Variants in TTLL4 observed in about 807,000 individuals in gnomAD.
TTLL4 encodes the protein tubulin monoglutamylase TTLL4.
TTLL4 carries 85 observed loss-of-function variants against 122.7 expected under a neutral mutation model. That is an observed-to-expected ratio of 0.69 (90% confidence interval 0.58 to 0.83). The LOEUF (loss-of-function observed/expected upper bound fraction) is 0.83, where lower values mean the gene tolerates loss of function less well. Among genes scored for constraint, TTLL4 ranks in the 40% least tolerant of loss-of-function variants. TTLL4 has a pLI of 0.00. For synonymous variants in TTLL4, 553 were observed against 563.0 expected (o/e 0.98, Z 0.25); for missense variants, 1,363 against 1,488.6 (o/e 0.92, Z 1.39).
intron 2 of TTLL4, among the ~76,000 whole-genome samples, chr2:218,731,475 A>G (rs1273741622): frequency 6.6e-6 from 1 of 152,020 alleles, no homozygotes; most frequent in Non-Finnish European, 1.5e-5. Flanking sequence ...ACAAAAGAAC[A>G]TTGCTTGTCC....
At chr2:218,745,599 G>A (rs2272189) in intron 6 of TTLL4, 92 bp from the exon 7 acceptor site, 408,606 of 880,608 alleles carry the variant, frequency 0.46, 99,836 homozygotes, top group African/African-American at 0.74. Context: ...GCCCAGGGAA[G>A]AATGGGCAGC....
At chr2:218,731,058 G>C (rs1178231068) in intron 2 of TTLL4, among the ~76,000 whole-genome samples, 1 of 151,840 alleles carries the variant, frequency 6.6e-6, no homozygotes, top group Non-Finnish European at 1.5e-5. Context: ...GCTGCAGTGA[G>C]TTATGACTAC....
Position 218,754,827 on chromosome 2 carries a change from C to T in TTLL4, c.*438C>T, listed in dbSNP as rs3770220. On this transcript the variant is annotated 3_prime_UTR_variant, in exon 20 of 20. Transcript: ENST00000392102. ...TTGAGGGGGTCTTCTGAGGTCCTTA[C>T]TTCCTTAGGTCTTTCCTCACCCCTC... 87,153 of 180,902 alleles carry T rather than the reference C, an allele frequency of 0.48. 22,199 individuals are homozygous for T. The highest frequency in any genetic ancestry group is 0.61 in the African/African-American group (25,533 of 42,026). 11.2% of individuals were successfully genotyped at this position (180,902 alleles called of 1,614,324 possible).
chr2:218,747,344 C>T lies in TTLL4; in HGVS notation c.2221C>T (p.Pro741Ser), dbSNP rs756366556. The T allele has an allele frequency of 4.3e-6, 7 of 1,614,172 alleles. No individual in the cohort carries two copies. Among genetic ancestry groups the T allele is most frequent in the Non-Finnish European group, 5.9e-6 (7 of 1,180,030 alleles). The change falls in exon 10 of 20, where the codon CCC becomes TCC. Residue 741 changes from proline to serine, a missense_variant. Physicochemically the swap from Pro to Ser is moderately conservative, Grantham distance 74 (BLOSUM62 -1). Coordinates refer to ENST00000392102, the MANE Select transcript of TTLL4 (RefSeq NM_014640.5). The surrounding 1 kb of genome is among the most constrained non-coding windows in gnomAD (Gnocchi z 4.7). ...GGTTATTCACAAGTGGAGTCAGCTC[C>T]CCAAGCGAAGGCCCCTCCTGGTACA... is the stretch of plus-strand genomic sequence containing the variant. The part of the protein sequence containing the change: ...IQVIHKWSQL[P>S]KRRPLLVQRY...
At chr2:218,726,354 T>C (rs1391497085) in intron 1 of TTLL4, among the ~76,000 whole-genome samples, 1 of 152,250 alleles carries the variant, frequency 6.6e-6, no homozygotes, top group African/African-American at 2.4e-5. Flanking sequence ...TTGAGAGGTT[T>C]AATTATTATA....
At chr2:218,758,876 C>A (rs1575189782), downstream of TTLL4, among the ~76,000 whole-genome samples, 1 of 152,216 alleles carries the variant, frequency 6.6e-6, no homozygotes, top group African/African-American at 2.4e-5. Flanking sequence ...AATTTAGAAA[C>A]AACCATATGT....
At chr2:218,729,123 G>A (rs1342367796) in intron 2 of TTLL4, among the ~76,000 whole-genome samples, 1 of 151,884 alleles carries the variant, frequency 6.6e-6, no homozygotes, top group African/African-American at 2.4e-5. Context: ...TAGTAGAGAC[G>A]GGGTTTCGCC....
intron 5 of TTLL4, among the ~76,000 whole-genome samples, chr2:218,743,828 C>A (rs528187227): frequency 6.6e-6 from 1 of 152,008 alleles, no homozygotes; most frequent in Non-Finnish European, 1.5e-5. Context: ...TACAGGCATG[C>A]GCCACCATGC....
rs753747313 is a variant in TTLL4, at chr2:218,753,625, C to T, written c.3300C>T (p.Asp1100=). ...CACTTCTGACTATCTCAAAGGATGA[C>T]GTGATACTCAATGCCTTCAGCAAAT... ...PTSLLTISKD[D]VILNAFSKSE... The change falls in exon 19 of 20, where the codon GAC becomes GAT. Residue 1100 remains aspartate, a synonymous_variant. Coordinates refer to ENST00000392102, the MANE Select transcript of TTLL4 (RefSeq NM_014640.5). 23 of 1,614,034 alleles carry T rather than the reference C, an allele frequency of 1.4e-5. No homozygotes were observed. In the Admixed American group the frequency reaches 2.5e-4, roughly 18 times the overall value.
At chr2:218,745,068 CT>C in intron 5 of TTLL4, 40 bp from the exon 6 acceptor site, 1 of 1,609,642 alleles carries the variant, frequency 6.2e-7, no homozygotes, top group Non-Finnish European at 8.5e-7. Flanking sequence ...AGGGCTGTTG[CT>C]TTTTCCCTTT....
intron 2 of TTLL4, among the ~76,000 whole-genome samples, chr2:218,729,989 C>G (rs1942320632): frequency 6.6e-6 from 1 of 152,134 alleles, no homozygotes; most frequent in African/African-American, 2.4e-5. Context: ...AGTGATCCTT[C>G]TATTTCATCT....
rs758638503 is a variant in TTLL4, at chr2:218,738,596, G to A, written c.920G>A (p.Arg307Gln). Residue 307 changes from arginine (R) to glutamine (Q), a missense_variant, in exon 3 of 20, where the codon CGG becomes CAG. Around this residue, in one of 3 missense-constraint regions of TTLL4, gnomAD observed 760 missense variants for 808.4 expected, o/e 0.94. Transcript: ENST00000392102. ...AGTGTTGCCTCTTCCTGGTATAACC[G>A]GAATAACTTAGCCATGAGGGCAGAG... is the stretch of plus-strand genomic sequence containing the variant. Reference protein sequence around the residue: ...TTSVASSWYNRNNLAMRAEPL... With the variant: ...TTSVASSWYNQNNLAMRAEPL... The A allele has an allele frequency of 8.1e-6, 13 of 1,614,068 alleles. No homozygotes were observed. The highest frequency in any genetic ancestry group is 1.1e-5 in the South Asian group (1 of 91,084).
At chr2:218,716,812 G>A (rs1221352105) in intron 1 of TTLL4, among the ~76,000 whole-genome samples, 3 of 152,004 alleles carry the variant, frequency 2.0e-5, no homozygotes, top group African/African-American at 2.4e-5. Flanking sequence ...AATTTACACT[G>A]TGCCATCAAG....
chr2:218,739,175 A>G lies in TTLL4; in HGVS notation c.1487+12A>G, dbSNP rs202102898. 2.1e-4 allele frequency: 342 copies of G among 1,604,000 alleles called. No homozygotes were observed. Among genetic ancestry groups the G allele is most frequent in the Non-Finnish European group, 2.7e-4 (316 of 1,176,944 alleles). ...GATAGGGATATTAGGTATGTTGGCA[A>G]TGTTTTTGGTTCATTTAGAGCAGTA... On this transcript the variant is annotated intron_variant, in intron 3 of 19. Coordinates refer to ENST00000392102, the MANE Select transcript of TTLL4 (RefSeq NM_014640.5).
chr2:218,732,536 G>C (rs114598510), intron 2 of TTLL4, among the ~76,000 whole-genome samples: 3 of 152,130 alleles, frequency 2.0e-5, no homozygotes, highest in Non-Finnish European at 4.4e-5. Flanking sequence ...ATTGCCCTTC[G>C]AGTATGTGCT....
rs1295091726 is a variant in TTLL4, at chr2:218,748,900, A to G, written c.2566A>G (p.Lys856Glu). 4 of 1,613,892 alleles carry G rather than the reference A, an allele frequency of 2.5e-6. No individual in the cohort carries two copies. In the African/African-American group the frequency reaches 4.0e-5, roughly 16 times the overall value. Residue 856 changes from lysine (K) to glutamate (E), a missense_variant, in exon 13 of 20, where the codon AAG becomes GAG. This residue lies in a region of TTLL4 where 596 missense variants were observed against 655.8 expected (regional missense o/e 0.91). Coordinates refer to ENST00000392102, the MANE Select transcript of TTLL4 (RefSeq NM_014640.5). Reference sequence around the variant, plus strand: ...AGTCAATAGCGACGCCATCTGGGAGAAGATAAAGGATGTTGTTGTCAAAAC... The same window carrying G: ...AGTCAATAGCGACGCCATCTGGGAGGAGATAAAGGATGTTGTTGTCAAAAC... ...KGVNSDAIWE[K>E]IKDVVVKTII...
Position 218,754,812 on chromosome 2 carries a change from C to A in TTLL4, c.*423C>A. 5.1e-6 allele frequency: 1 copy of A among 197,214 alleles called. No homozygotes were observed. Among genetic ancestry groups the A allele is most frequent in the Admixed American group, 5.3e-5 (1 of 18,852 alleles). 12.2% of individuals were successfully genotyped at this position (197,214 alleles called of 1,614,324 possible). ...TCCTTTGTTCTGAATTTGAGGGGGT[C>A]TTCTGAGGTCCTTACTTCCTTAGGT... On this transcript the variant is annotated 3_prime_UTR_variant, in exon 20 of 20. Transcript: ENST00000392102.
chr2:218,746,944 A>T lies in TTLL4; in HGVS notation c.1975-59A>T, dbSNP rs1040356282. 22 of 1,556,130 alleles carry T rather than the reference A, an allele frequency of 1.4e-5. No homozygotes were observed. The Admixed American group carries it at 4.0e-4, about 29-fold the overall frequency. On this transcript the variant is annotated intron_variant, in intron 8 of 19. Coordinates refer to ENST00000392102, the MANE Select transcript of TTLL4 (RefSeq NM_014640.5). Reference sequence around the variant, plus strand: ...TTGGAATGGTAGAATGAGTCTTGTCATCTTCCTCATGGCCTCACCTCTGCC... The same window carrying T: ...TTGGAATGGTAGAATGAGTCTTGTCTTCTTCCTCATGGCCTCACCTCTGCC...
Position 218,747,015 on chromosome 2 carries a change from C to T in TTLL4, c.1987C>T (p.Pro663Ser), listed in dbSNP as rs1231841972. ...TTCCCTTTTGTAGCTAAACCATTTCCCAGGCTCATTCCAGATTGGGAGGAA... is the reference window on the plus strand; with the variant it reads ...TTCCCTTTTGTAGCTAAACCATTTCTCAGGCTCATTCCAGATTGGGAGGAA... ...IREHQKLNHFPGSFQIGRKDR... is the reference protein window; with the variant it reads ...IREHQKLNHFSGSFQIGRKDR... Residue 663 changes from proline (P) to serine (S), a missense_variant, in exon 9 of 20, where the codon CCA becomes TCA. By Grantham distance (74) the Pro-to-Ser change is moderately conservative. This residue lies in a region of TTLL4 where 7 missense variants were observed against 24.5 expected (regional missense o/e 0.29). Coordinates refer to ENST00000392102, the MANE Select transcript of TTLL4 (RefSeq NM_014640.5). This position sits in a 1 kb window ranked among gnomAD's most constrained non-coding sequence, Gnocchi z 4.7. The T allele has an allele frequency of 6.2e-7, 1 of 1,614,018 alleles. No individual in the cohort carries two copies. Among genetic ancestry groups the T allele is most frequent in the African/African-American group, 1.3e-5 (1 of 74,910 alleles).
Sources: allele counts gnomAD v4.1 joint callset (sites outside exome capture counted in the v4.1 genomes callset), GRCh38; gene constraint gnomAD v4.1.1; regional missense constraint gnomAD v4.1.1; non-coding constraint Gnocchi (gnomAD v3.1); transcripts MANE v1.5; gene names NCBI Gene and HGNC (gene_info 2026-07-23, HGNC 2026-07-21).